Variants in PCDH18 observed in about 807,000 individuals in gnomAD.
The protein encoded by PCDH18 is protocadherin 18.
A neutral mutation model predicts 71.5 loss-of-function variants in PCDH18; 38 were observed. The observed-to-expected ratio is 0.53, with a 90% CI of 0.41 to 0.70. The LOEUF is 0.70. Among genes scored for constraint, PCDH18 ranks in the 30% least tolerant of loss-of-function variants. PCDH18 has a pLI of 0.00. For synonymous variants in PCDH18, 565 were observed against 505.4 expected (o/e 1.12, Z -1.58); for missense variants, 1,334 against 1,384.6 (o/e 0.96, Z 0.58).
intron 3 of PCDH18, among the ~76,000 whole-genome samples, chr4:137,523,450 G>T (rs550348427): frequency 6.6e-6 from 1 of 151,186 alleles, no homozygotes; most frequent in Non-Finnish European, 1.5e-5. Context: ...TAGTGGTAAT[G>T]ATTTTTTTTT....
At chr4:137,523,412 G>A (rs1731359704) in intron 3 of PCDH18, among the ~76,000 whole-genome samples, 1 of 151,664 alleles carries the variant, frequency 6.6e-6, no homozygotes, top group African/African-American at 2.4e-5. Flanking sequence ...ATAGCAATGA[G>A]GTTTTCTCAG....
intron 3 of PCDH18, among the ~76,000 whole-genome samples, chr4:137,524,220 C>T (rs1299339749): frequency 6.6e-6 from 1 of 152,114 alleles, no homozygotes; most frequent in Non-Finnish European, 1.5e-5. Flanking sequence ...ATCTTCTTCA[C>T]CACTATAAGA....
Position 137,531,635 on chromosome 4 carries a change from C to G in PCDH18, c.454G>C (p.Val152Leu). 2 of 1,613,960 alleles carry G rather than the reference C, an allele frequency of 1.2e-6. No individual in the cohort carries two copies. The highest frequency in any genetic ancestry group is 1.7e-6 in the Non-Finnish European group (2 of 1,179,840). ...CTGTCCAGGGGAATGCGAGTCCCAA[C>G]TGCTGCACTCTCAGATATCTCAATA... is the stretch of plus-strand genomic sequence containing the variant. ...IPIEISESAA[V>L]GTRIPLDSAF... Residue 152 changes from valine to leucine, a missense_variant, in exon 1 of 4, where the codon GTT becomes CTT. This residue lies in a region of PCDH18 where 1,011 missense variants were observed against 1,048.0 expected (regional missense o/e 0.96). Transcript: ENST00000344876.
Position 137,530,741 on chromosome 4 carries a change from G to A in PCDH18, c.1348C>T (p.His450Tyr), listed in dbSNP as rs757334664. ...RGTPSLSTVK[H>Y]FTVQINDIND... ...ATATCATTGATTTGAACTGTAAAATGTTTCACTGTAGAGAGACTGGGTGTC... is the reference window on the plus strand; with the variant it reads ...ATATCATTGATTTGAACTGTAAAATATTTCACTGTAGAGAGACTGGGTGTC... The change falls in exon 1 of 4, where the codon CAT becomes TAT. Residue 450 changes from histidine to tyrosine, a missense_variant. Transcript: ENST00000344876. The A allele has an allele frequency of 3.9e-5, 63 of 1,612,948 alleles. No individual in the cohort carries two copies. The highest frequency in any genetic ancestry group is 5.3e-5 in the Non-Finnish European group (63 of 1,179,156).
Position 137,529,717 on chromosome 4 carries a change from C to T in PCDH18, c.2372G>A (p.Gly791Asp), listed in dbSNP as rs970948724. Residue 791 changes from glycine to aspartate, a missense_variant, in exon 1 of 4, where the codon GGC becomes GAC. Around this residue, in one of 3 missense-constraint regions of PCDH18, gnomAD observed 1,011 missense variants for 1,048.0 expected, o/e 0.96. Coordinates refer to ENST00000344876, the MANE Select transcript of PCDH18 (RefSeq NM_019035.5). ...GTGACTGTTGTGACTCTGCCGGCTGCCCATCTGCCCTCTTTCTAAGGTAGG... is the reference window on the plus strand; with the variant it reads ...GTGACTGTTGTGACTCTGCCGGCTGTCCATCTGCCCTCTTTCTAAGGTAGG... ...SSPTLERGQM[G>D]SRQSHNSHQS... The T allele has an allele frequency of 6.2e-7, 1 of 1,613,844 alleles. No homozygotes were observed. The highest frequency in any genetic ancestry group is 8.5e-7 in the Non-Finnish European group (1 of 1,179,802).
At position 137,531,953 on chromosome 4, in the gene PCDH18, T is replaced by C. The variant is rs748538817; in HGVS notation, c.136A>G (p.Arg46Gly). 2.9e-5 allele frequency: 47 copies of C among 1,614,000 alleles called. No homozygotes were observed. The East Asian group carries it at 8.9e-4, about 31-fold the overall frequency. Residue 46 changes from arginine (R) to glycine (G), a missense_variant, in exon 1 of 4, where the codon AGA becomes GGA. Physicochemically the swap from Arg to Gly is moderately radical, Grantham distance 125. Transcript: ENST00000344876. ...EEQRVGSVIA[R>G]LSEDVADVLL... ...ACATCAGCCACATCCTCTGATAGTCTTGCAATTACTGATCCAACCCTCTGT... is the reference window on the plus strand; with the variant it reads ...ACATCAGCCACATCCTCTGATAGTCCTGCAATTACTGATCCAACCCTCTGT...
At chr4:137,527,131 C>G (rs191309995) in intron 3 of PCDH18, among the ~76,000 whole-genome samples, 2 of 152,146 alleles carry the variant, frequency 1.3e-5, no homozygotes, top group Admixed American at 1.3e-4. Flanking sequence ...ATTAATACCG[C>G]TCTGGCTACT....
intron 3 of PCDH18, among the ~76,000 whole-genome samples, chr4:137,526,659 G>T (rs989207848): frequency 1.3e-5 from 2 of 151,864 alleles, no homozygotes; most frequent in African/African-American, 4.8e-5. Context: ...ATTGTCTCTC[G>T]AAGTCCCCCC....
Position 137,521,485 on chromosome 4 carries a change from G to C in PCDH18, c.2952C>G (p.Ser984=). 1.9e-6 allele frequency: 3 copies of C among 1,614,182 alleles called. No homozygotes were observed. The highest frequency in any genetic ancestry group is 2.5e-6 in the Non-Finnish European group (3 of 1,180,024). ...CGTTTGGGGAGTCCTTTCCAAAGGT[G>C]GAAAAACTCTTCTTCTTTTCACCGG... The part of the protein sequence containing the change: ...ADSGEKKKSF[S]TFGKDSPNDE... Residue 984 remains serine (S), a synonymous_variant, in exon 4 of 4, where the codon TCC becomes TCG. Coordinates refer to ENST00000344876, the MANE Select transcript of PCDH18 (RefSeq NM_019035.5).
rs905029656 is a variant in PCDH18, at chr4:137,521,032, G to A, written c.3405C>T (p.Ser1135=). ...INKLLQDVRQ[S] Reference sequence around the variant, plus strand: ...AAAAATGCTTCGCTAAAATCTCCTAGCTCTGGCGGACATCTTGAAGCAGTT... The same window carrying A: ...AAAAATGCTTCGCTAAAATCTCCTAACTCTGGCGGACATCTTGAAGCAGTT... The change falls in exon 4 of 4, where the codon AGC becomes AGT. Residue 1135 remains serine, a synonymous_variant. Transcript: ENST00000344876. 3.2e-6 allele frequency: 5 copies of A among 1,577,294 alleles called. No individual in the cohort carries two copies. In the African/African-American group the frequency reaches 5.4e-5, roughly 17 times the overall value.
intron 3 of PCDH18, among the ~76,000 whole-genome samples, chr4:137,524,263 G>C (rs1731383550): frequency 6.6e-6 from 1 of 152,126 alleles, no homozygotes; most frequent in Non-Finnish European, 1.5e-5. Flanking sequence ...GCACCTTATT[G>C]GTGGGACAGG....
At chr4:137,524,450 G>T (rs563036200) in intron 3 of PCDH18, among the ~76,000 whole-genome samples, 1 of 152,162 alleles carries the variant, frequency 6.6e-6, no homozygotes, top group East Asian at 1.9e-4. Flanking sequence ...GTAAACACAG[G>T]TAAAGTGTCA....
chr4:137,521,918 T>C (rs959470699), intron 3 of PCDH18, among the ~76,000 whole-genome samples: 6 of 152,198 alleles, frequency 3.9e-5, no homozygotes, highest in Non-Finnish European at 5.9e-5. Flanking sequence ...TGCTTTTTTT[T>C]CCTTATTGAT....
intron 3 of PCDH18, among the ~76,000 whole-genome samples, chr4:137,526,958 T>TAAAAAAAA (rs750084137): frequency 3.9e-5 from 5 of 127,732 alleles, no homozygotes; most frequent in Non-Finnish European, 6.6e-5. Context: ...TTCCAAATCT[T>TAAAAAAAA]AAAAAAAAAA....
Position 137,521,715 on chromosome 4 carries a change from G to T in PCDH18, c.2741-19C>A. 6 of 1,567,708 alleles carry T rather than the reference G, an allele frequency of 3.8e-6. No individual in the cohort carries two copies. Among genetic ancestry groups the T allele is most frequent in the Non-Finnish European group, 5.2e-6 (6 of 1,154,010 alleles). ...CTCATAGCTGCACTCAAGAAAAACA[G>T]TGGGGATTCATTATTATACTTAGCA... On this transcript the variant is annotated intron_variant, in intron 3 of 3. Coordinates refer to ENST00000344876, the MANE Select transcript of PCDH18 (RefSeq NM_019035.5).
chr4:137,528,140 G>C (rs1731532606), intron 3 of PCDH18, among the ~76,000 whole-genome samples: 1 of 152,142 alleles, frequency 6.6e-6, no homozygotes, highest in Non-Finnish European at 1.5e-5. Flanking sequence ...ATTTTGCAAA[G>C]AGTTACACAA....
chr4:137,528,160 A>G (rs1229495924), intron 3 of PCDH18, among the ~76,000 whole-genome samples: 1 of 152,142 alleles, frequency 6.6e-6, no homozygotes, highest in African/African-American at 2.4e-5. Flanking sequence ...ACCGTGTTCT[A>G]TGGCTGTATC....
chr4:137,525,117 A>T (rs187366893), intron 3 of PCDH18, among the ~76,000 whole-genome samples: 1 of 152,294 alleles, frequency 6.6e-6, no homozygotes, highest in Non-Finnish European at 1.5e-5. Context: ...TGGTGAAGTG[A>T]ATGCAATGGA....
intron 1 of PCDH18, 134 bp from the exon 2 acceptor site, chr4:137,528,954 A>G: frequency 1.4e-6 from 1 of 704,120 alleles, no homozygotes; most frequent in Non-Finnish European, 2.5e-6. Context: ...AAGATTTGCA[A>G]ATGCTGGACT....
Sources: allele counts gnomAD v4.1 joint callset (sites outside exome capture counted in the v4.1 genomes callset), GRCh38; gene constraint gnomAD v4.1.1; regional missense constraint gnomAD v4.1.1; transcripts MANE v1.5; gene names NCBI Gene and HGNC (gene_info 2026-07-23, HGNC 2026-07-21).